DERPC: variants seen among roughly 807,000 people sequenced by gnomAD.
DERPC encodes the protein decreased expression in renal and prostate cancer protein.
In DERPC, 1 loss-of-function variant was observed where a neutral mutation model predicts 7.2. The ratio of observed to expected loss-of-function variants is 0.14; its 90% CI spans 0.05 to 0.66. DERPC has a LOEUF of 0.66. Ranked by LOEUF, DERPC falls within the 30% of genes least tolerant of loss-of-function variation. DERPC has a pLI of 0.84. For missense variants in DERPC, 502 were observed against 299.4 expected, an observed-to-expected ratio of 1.68 and a Z score of -4.99; for synonymous variants, 185 against 117.6, an observed-to-expected ratio of 1.57 and a Z score of -3.71.
In DERPC at chr16:69,124,755, C is replaced by T. The variant is rs1271709191; in HGVS notation, c.-279-3262G>A. 3.3e-5 allele frequency among the ~76,000 whole-genome samples: 5 copies of T among 152,138 alleles called. No individual in the cohort carries two copies. The East Asian group carries it at 9.6e-4, about 29-fold the overall frequency. On this transcript the variant is annotated intron_variant, in intron 1 of 2. Coordinates refer to ENST00000519520, the MANE Select transcript of DERPC (RefSeq NM_001002847.4). ...AGCTCCAGGGATCCTCCCACATCAG[C>T]CTCCCAAAGTGGTGGGATTACAGGC...
Position 69,118,595 on chromosome 16 carries a change from A to C in DERPC, c.*259T>G. 2 of 722,126 alleles carry C rather than the reference A, an allele frequency of 2.8e-6. No individual in the cohort carries two copies. The highest frequency in any genetic ancestry group is 1.5e-5 in the South Asian group (1 of 67,986). The allele number at this position is 722,126 out of a possible 1,614,324, so 44.7% of individuals were successfully genotyped here. A position where few individuals can be genotyped will look rare whatever the true frequency, so the allele number is the denominator to read the frequency against. On this transcript the variant is annotated 3_prime_UTR_variant, in exon 3 of 3. Coordinates refer to ENST00000519520, the MANE Select transcript of DERPC (RefSeq NM_001002847.4). Reference sequence around the variant, plus strand: ...CAATGGGCAGAAAGCTGTGGGACGAAAGCACAGCAGGCTTCTGGGAGGCTG... The same window carrying C: ...CAATGGGCAGAAAGCTGTGGGACGACAGCACAGCAGGCTTCTGGGAGGCTG...
At chr16:69,121,549 C>T in intron 1 of DERPC, 56 bp from the exon 2 acceptor site, 1 of 1,039,042 alleles carries the variant, frequency 9.6e-7, no homozygotes, top group Non-Finnish European at 1.4e-6. Flanking sequence ...AATAATGACA[C>T]CTAATGCAAC....
At chr16:69,131,078 T>C (rs571058955) in intron 1 of DERPC, among the ~76,000 whole-genome samples, 3 of 152,344 alleles carry the variant, frequency 2.0e-5, no homozygotes, top group African/African-American at 7.2e-5. Context: ...TTGAAGGGGA[T>C]CTTGTCTCTT....
chr16:69,123,576 G>C (rs1961835983), intron 1 of DERPC, among the ~76,000 whole-genome samples: 1 of 152,032 alleles, frequency 6.6e-6, no homozygotes, highest in South Asian at 2.1e-4. Context: ...AGAATCACTT[G>C]AACCCTGGGA....
intron 1 of DERPC, among the ~76,000 whole-genome samples, chr16:69,122,312 T>G (rs1961731455): frequency 6.6e-6 from 1 of 152,050 alleles, no homozygotes. Flanking sequence ...AGACATACAT[T>G]GCAAAGACCA....
intron 1 of DERPC, among the ~76,000 whole-genome samples, chr16:69,130,667 T>C (rs1962433387): frequency 6.6e-6 from 1 of 152,242 alleles, no homozygotes; most frequent in Non-Finnish European, 1.5e-5. Flanking sequence ...GTAAAGCTTT[T>C]AGCACATTGT....
intron 1 of DERPC, among the ~76,000 whole-genome samples, chr16:69,123,943 A>AC (rs891575183): frequency 3.8e-5 from 3 of 78,844 alleles, no homozygotes; most frequent in African/African-American, 8.6e-5. Context: ...AAAAAAAAAA[A>AC]AAAACAAAAA....
chr16:69,124,850 T>C (rs1020526753), intron 1 of DERPC, among the ~76,000 whole-genome samples: 1 of 152,168 alleles, frequency 6.6e-6, no homozygotes, highest in African/African-American at 2.4e-5. Context: ...TGCAGCCTTA[T>C]AGTATGACTC....
chr16:69,125,309 CCAT>C (rs2152269894), intron 1 of DERPC, among the ~76,000 whole-genome samples: 1 of 152,330 alleles, frequency 6.6e-6, no homozygotes, highest in East Asian at 1.9e-4. Context: ...TCTCATTCAA[CCAT>C]CATCACAAGT....
intron 1 of DERPC, among the ~76,000 whole-genome samples, 164 bp from the exon 2 acceptor site, chr16:69,121,657 TTAG>T (rs1295266498): frequency 6.6e-6 from 1 of 151,666 alleles, no homozygotes; most frequent in Non-Finnish European, 1.5e-5. Context: ...TTTTGTATTT[TTAG>T]TAGAGATGGG....
At chr16:69,127,601 CT>C (rs71383961) in intron 1 of DERPC, among the ~76,000 whole-genome samples, 2,286 of 104,514 alleles carry the variant, frequency 0.022, 6 homozygotes, top group Middle Eastern at 0.037. Context: ...CTCCCGGCAA[CT>C]TTTTTTTTTT....
intron 1 of DERPC, 30 bp downstream of exon 1, chr16:69,132,454 G>T: frequency 5.7e-6 from 1 of 176,350 alleles, no homozygotes; most frequent in Non-Finnish European, 1.1e-5. Context: ...GCTCCCCGCA[G>T]CCTCCCGTGC....
Position 69,119,068 on chromosome 16 carries a change from G to A in DERPC, c.1361C>T (p.Ala454Val). 1.4e-6 allele frequency: 1 copy of A among 703,064 alleles called. No homozygotes were observed. The highest frequency in any genetic ancestry group is 2.6e-6 in the Non-Finnish European group (1 of 385,024). The allele number at this position is 703,064 out of a possible 1,614,324, so 43.6% of individuals were successfully genotyped here. A position where few individuals can be genotyped will look rare whatever the true frequency, so the allele number is the denominator to read the frequency against. The change falls in exon 3 of 3, where the codon GCT becomes GTT. Residue 454 changes from alanine to valine, a missense_variant. Ala to Val is a moderately conservative substitution (Grantham distance 64, BLOSUM62 0). Transcript: ENST00000519520. ...PAAGHLGPSP[A>V]GPVGINPAPF... ...AGCTGGGTTGATACCCACAGGGCCA[G>A]CTGGAGAAGGGCCCAGATGCCCGGC...
At chr16:69,124,911 A>C (rs968199044) in intron 1 of DERPC, among the ~76,000 whole-genome samples, 8 of 151,202 alleles carry the variant, frequency 5.3e-5, no homozygotes, top group African/African-American at 1.7e-4. Flanking sequence ...TCAACTCACT[A>C]GACTTTTTTT....
Position 69,118,396 on chromosome 16 carries a change from A to G in DERPC, c.*458T>C. Reference sequence around the variant, plus strand: ...TGGCAGTAGAGGATGACCAGGTCCAAGCTGCCCAGGTCAGAGCTACGGAAG... The same window carrying G: ...TGGCAGTAGAGGATGACCAGGTCCAGGCTGCCCAGGTCAGAGCTACGGAAG... On this transcript the variant is annotated 3_prime_UTR_variant, in exon 3 of 3. Coordinates refer to ENST00000519520, the MANE Select transcript of DERPC (RefSeq NM_001002847.4). 6.2e-7 allele frequency: 1 copy of G among 1,613,238 alleles called. No individual in the cohort carries two copies. The highest frequency in any genetic ancestry group is 8.5e-7 in the Non-Finnish European group (1 of 1,179,180).
intron 1 of DERPC, among the ~76,000 whole-genome samples, chr16:69,125,612 C>A (rs766784181): frequency 2.0e-5 from 3 of 152,204 alleles, no homozygotes; most frequent in Non-Finnish European, 4.4e-5. Flanking sequence ...TTGAGTCAGA[C>A]CTTCTGCACC....
rs78443604 is a variant in DERPC at position 69,126,954 on chromosome 16, A to G, written c.-279-5461T>C. 4.4e-3 allele frequency among the ~76,000 whole-genome samples: 664 copies of G among 152,272 alleles called. 24 individuals are homozygous for G. The South Asian group carries it at 0.083, about 19-fold the overall frequency. ...TTTCATTCAGTGTAGAATTGATTAAAAAGTGTATGAGGCCGGGCGCGGTGG... is the reference window on the plus strand; with the variant it reads ...TTTCATTCAGTGTAGAATTGATTAAGAAGTGTATGAGGCCGGGCGCGGTGG... On this transcript the variant is annotated intron_variant, in intron 1 of 2. Transcript: ENST00000519520.
chr16:69,131,240 T>C (rs1470572058), intron 1 of DERPC: 3 of 152,196 alleles, frequency 2.0e-5, no homozygotes, highest in African/African-American at 7.2e-5. Context: ...ATGCTATGCA[T>C]ACACGTGATA....
rs1244311226 is a variant in DERPC at position 69,119,853 on chromosome 16, G to C, written c.576C>G (p.Thr192=). ...GPNLRAGVLL[T]SGNGPPNPRP... The stretch of plus-strand genomic sequence containing the variant: ...TAGGATTGGGAGGACCATTCCCAGA[G>C]GTTAACAGAACACCGGCTCTCAGGT... The change falls in exon 3 of 3, where the codon ACC becomes ACG. Residue 192 remains threonine, a synonymous_variant. Transcript: ENST00000519520. The C allele has an allele frequency of 1.4e-6, 1 of 701,402 alleles. No individual in the cohort carries two copies. Among genetic ancestry groups the C allele is most frequent in the South Asian group, 1.5e-5 (1 of 67,526 alleles). The allele number at this position is 701,402 out of a possible 1,614,324, so 43.4% of individuals were successfully genotyped here. A position where few individuals can be genotyped will look rare whatever the true frequency, so the allele number is the denominator to read the frequency against.
Sources: allele counts gnomAD v4.1 joint callset (sites outside exome capture counted in the v4.1 genomes callset), GRCh38; gene constraint gnomAD v4.1.1; transcripts MANE v1.5; gene names NCBI Gene and HGNC (gene_info 2026-07-23, HGNC 2026-07-21).